SUCLG2: variants seen among roughly 807,000 people sequenced by gnomAD.
The protein encoded by SUCLG2 is succinate--CoA ligase [GDP-forming] subunit beta, mitochondrial.
A neutral mutation model predicts 47.9 loss-of-function variants in SUCLG2; 42 were observed. The ratio of observed to expected loss-of-function variants is 0.88; its 90% CI spans 0.69 to 1.14. The LOEUF (loss-of-function observed/expected upper bound fraction) is 1.14. Ranked by LOEUF, SUCLG2 falls within the 50% of genes most tolerant of loss-of-function variation. The pLI, the probability that SUCLG2 is intolerant of heterozygous loss-of-function variation, is 0.00. For missense variants in SUCLG2, 571 were observed against 525.9 expected (o/e 1.09, Z -0.84); for synonymous variants, 195 against 197.3 (o/e 0.99, Z 0.10).
intron 2 of SUCLG2, among the ~76,000 whole-genome samples, chr3:67,593,470 A>C (rs1189748162): frequency 6.6e-6 from 1 of 152,234 alleles, no homozygotes; most frequent in Non-Finnish European, 1.5e-5. Context: ...CCTTTCTTCA[A>C]CTACCCCATC....
At chr3:67,539,559 T>C (rs1706643278) in intron 2 of SUCLG2, among the ~76,000 whole-genome samples, 1 of 152,248 alleles carries the variant, frequency 6.6e-6, no homozygotes, top group Non-Finnish European at 1.5e-5. Context: ...GGTATCAGGA[T>C]GATGCTGGCA....
At chr3:67,628,197 A>C (rs116991874) in intron 1 of SUCLG2, among the ~76,000 whole-genome samples, 1 of 152,178 alleles carries the variant, frequency 6.6e-6, no homozygotes, top group Admixed American at 6.5e-5. Context: ...ATGTGTACTA[A>C]TTTTATATAT....
At chr3:67,545,907 G>T (rs1311290237) in intron 2 of SUCLG2, among the ~76,000 whole-genome samples, 2 of 152,102 alleles carry the variant, frequency 1.3e-5, no homozygotes, top group Non-Finnish European at 2.9e-5. Context: ...CTCTCCCACA[G>T]AACCACTCCC....
intron 6 of SUCLG2, among the ~76,000 whole-genome samples, chr3:67,514,737 C>T (rs1705895589): frequency 6.6e-6 from 1 of 152,124 alleles, no homozygotes; most frequent in Non-Finnish European, 1.5e-5. Context: ...ATGGAAAGGA[C>T]AAAATTATGG....
At chr3:67,427,774 G>A (rs763426596) in intron 9 of SUCLG2, among the ~76,000 whole-genome samples, 9 of 152,118 alleles carry the variant, frequency 5.9e-5, no homozygotes, top group South Asian at 2.1e-4. Flanking sequence ...CAAATAATGC[G>A]CTTTTCCAAC....
At chr3:67,363,437 T>A (rs1268192329) in intron 10 of SUCLG2, among the ~76,000 whole-genome samples, 1 of 152,244 alleles carries the variant, frequency 6.6e-6, no homozygotes, top group Non-Finnish European at 1.5e-5. Context: ...CCTGTATTTG[T>A]GGGTTTCTGC....
chr3:67,587,773 T>C lies in SUCLG2; in HGVS notation c.226+21682A>G, dbSNP rs1301033819. 5.9e-5 allele frequency among the ~76,000 whole-genome samples: 9 copies of C among 152,236 alleles called. No individual in the cohort carries two copies. In the East Asian group the frequency reaches 1.7e-3, roughly 29 times the overall value. ...TGTGTCACCAAAGCCTATAATCCAG[T>C]CCCTATGGCATCATTCATTGACAAA... is the stretch of plus-strand genomic sequence containing the variant. On this transcript the variant is annotated intron_variant, in intron 2 of 10. Transcript: ENST00000307227.
At chr3:67,560,627 G>A (rs1707284913) in intron 2 of SUCLG2, among the ~76,000 whole-genome samples, 1 of 152,154 alleles carries the variant, frequency 6.6e-6, no homozygotes, top group African/African-American at 2.4e-5. Flanking sequence ...AAGTCTTGGT[G>A]TCTAGGTAAG....
At chr3:67,401,942 C>T (rs996086783) in intron 9 of SUCLG2, among the ~76,000 whole-genome samples, 9 of 152,182 alleles carry the variant, frequency 5.9e-5, no homozygotes, top group African/African-American at 1.9e-4. Flanking sequence ...TGAGCCTTCC[C>T]AGAACCCTAT....
At chr3:67,571,169 G>GC (rs1707596793) in intron 2 of SUCLG2, among the ~76,000 whole-genome samples, 1 of 151,908 alleles carries the variant, frequency 6.6e-6, no homozygotes, top group African/African-American at 2.4e-5. Context: ...AGGAAATTTT[G>GC]CCCCCCACAG....
At chr3:67,440,811 A>C (rs1703741185) in intron 9 of SUCLG2, among the ~76,000 whole-genome samples, 1 of 152,246 alleles carries the variant, frequency 6.6e-6, no homozygotes, top group African/African-American at 2.4e-5. Context: ...ATTGTGGAAG[A>C]CAGTGTGGTA....
rs1011253296 is a variant in SUCLG2, at chr3:67,518,335, T to A, written c.572A>T (p.Glu191Val). 1 of 1,606,994 alleles carries A rather than the reference T, an allele frequency of 6.2e-7. No individual in the cohort carries two copies. The highest frequency in any genetic ancestry group is 2.2e-5 in the East Asian group (1 of 44,720). The change falls in exon 6 of 11, where the codon GAG (glutamate) becomes GTG (valine). Residue 191 changes from glutamate (E) to valine (V), a missense_variant and splice_region_variant. Glu to Val is a moderately radical substitution (Grantham distance 121). Transcript: ENST00000307227. ...TATTCCTTCAAAAATGTCAATTTGC[T>A]CCTAGTAAAAATAAATCAAATAAAC... ...AASNPELIFKEQIDIFEGIKD... is the reference protein window; with the variant it reads ...AASNPELIFKVQIDIFEGIKD...
intron 2 of SUCLG2, among the ~76,000 whole-genome samples, chr3:67,592,222 G>A (rs935632024): frequency 6.6e-6 from 1 of 152,208 alleles, no homozygotes; most frequent in Admixed American, 6.5e-5. Context: ...AAATGGTTCA[G>A]AGTGTAAGGC....
chr3:67,644,836 C>T (rs569568801), intron 1 of SUCLG2, among the ~76,000 whole-genome samples: 1 of 152,140 alleles, frequency 6.6e-6, no homozygotes, highest in Admixed American at 6.5e-5. Flanking sequence ...TCTTTTGCCA[C>T]CTCCCTCAAC....
intron 1 of SUCLG2, among the ~76,000 whole-genome samples, chr3:67,628,234 G>C (rs1700868302): frequency 6.6e-6 from 1 of 152,154 alleles, no homozygotes; most frequent in South Asian, 2.1e-4. Flanking sequence ...GCTCCACAGG[G>C]CAATCACTTG....
At chr3:67,408,781 T>G (rs1702871705) in intron 9 of SUCLG2, 1 of 1,354,158 alleles carries the variant, frequency 7.4e-7, no homozygotes, top group Non-Finnish European at 9.5e-7. Flanking sequence ...GTATTATAAC[T>G]TTCCCTGGTA....
chr3:67,403,854 G>C (rs1702743709), intron 9 of SUCLG2, among the ~76,000 whole-genome samples: 1 of 152,128 alleles, frequency 6.6e-6, no homozygotes, highest in Non-Finnish European at 1.5e-5. Context: ...CCAGGGATGG[G>C]AATTTGGATC....
chr3:67,482,055 C>A (rs1366483006), intron 9 of SUCLG2, among the ~76,000 whole-genome samples: 1 of 152,206 alleles, frequency 6.6e-6, no homozygotes, highest in Non-Finnish European at 1.5e-5. Context: ...TGGCACTCTC[C>A]TGTAGTCCCA....
chr3:67,579,790 T>C (rs1251800054), intron 2 of SUCLG2, among the ~76,000 whole-genome samples: 2 of 152,224 alleles, frequency 1.3e-5, no homozygotes, highest in East Asian at 1.9e-4. Flanking sequence ...GATACTACGA[T>C]GTTATCCTTT....
Sources: gnomAD v4.1 joint callset for allele counts (sites outside exome capture counted in the v4.1 genomes callset) on GRCh38, gnomAD v4.1.1 for gene constraint, MANE v1.5 for transcripts, NCBI Gene and HGNC (gene_info 2026-07-23, HGNC 2026-07-21) for gene names.